Variants in BROX observed in about 807,000 individuals in gnomAD.
BROX encodes BRO1 domain-containing protein BROX.
Under a neutral mutation model 61.0 loss-of-function variants are expected in BROX, and 53 were observed. The observed-to-expected ratio is 0.87, with a 90% CI of 0.70 to 1.09. BROX has a LOEUF of 1.09. BROX is among the 50% of genes least tolerant of loss of function. BROX has a pLI of 0.00. For missense variants in BROX, 489 were observed against 472.0 expected (o/e 1.04, Z -0.33); for synonymous variants, 152 against 160.2 (o/e 0.95, Z 0.38).
chr1:222,715,205 C>T (rs1307441726), intron 1 of BROX: 2 of 152,274 alleles, frequency 1.3e-5, no homozygotes, highest in African/African-American at 4.8e-5. Flanking sequence ...GCAGCATCAG[C>T]ATCTCAGGTC....
intron 5 of BROX, among the ~76,000 whole-genome samples, chr1:222,723,222 A>G (rs74881564): frequency 0.014 from 2,074 of 152,364 alleles, 50 homozygotes; most frequent in African/African-American, 0.048. Context: ...TTTCTTAAGC[A>G]TGTATATGCA....
At chr1:222,729,843 A>G in intron 10 of BROX, 142 bp downstream of exon 10, 5 of 1,059,928 alleles carry the variant, frequency 4.7e-6, no homozygotes, top group Non-Finnish European at 6.7e-6. Flanking sequence ...AAAAGAAAAA[A>G]ATGTTTCAGA....
rs1658058998 is a variant in BROX, at chr1:222,733,063, C to CTTTTTTTTTTTCTTTTTTT, written c.*360_*361insCTTTTTTTTTTTTTTTTTT. The CTTTTTTTTTTTCTTTTTTT allele has an allele frequency of 1.2e-4, 13 of 104,876 alleles. No individual in the cohort carries two copies. The highest frequency in any genetic ancestry group is 2.2e-4 in the African/African-American group (6 of 27,234). The allele number at this position is 104,876 out of a possible 1,614,324, so 6.5% of individuals were successfully genotyped here. On this transcript the variant is annotated 3_prime_UTR_variant, in exon 13 of 13. Coordinates refer to ENST00000340934, the MANE Select transcript of BROX (RefSeq NM_144695.4). Reference sequence around the variant, plus strand: ...AGGTATGTTTTTCTTTTTTCTTTTTCTTTTTTTTTTTTCTTTTTTTTTTTT... The same window carrying CTTTTTTTTTTTCTTTTTTT: ...AGGTATGTTTTTCTTTTTTCTTTTTCTTTTTTTTTTTCTTTTTTTTTTTTTTTTTTTCTTTTTTTTTTTT...
In BROX at chr1:222,718,921, T is replaced by G. The variant is rs779544274; in HGVS notation, c.102-4T>G. 2 of 1,611,532 alleles carry G rather than the reference T, an allele frequency of 1.2e-6. No homozygotes were observed. The highest frequency in any genetic ancestry group is 1.7e-6 in the Non-Finnish European group (2 of 1,178,052). On this transcript the variant is annotated splice_polypyrimidine_tract_variant and splice_region_variant and intron_variant, in intron 2 of 12. Transcript: ENST00000340934. ...CTTTACTGTCTTTTTGTATCTCTTA[T>G]AAGTGACTTGAGGTCATCCAGGGCA...
At chr1:222,713,332 C>A in intron 1 of BROX, 3 of 985,778 alleles carry the variant, frequency 3.0e-6, no homozygotes, top group Non-Finnish European at 2.4e-6. Context: ...TCGCCGCCCG[C>A]TGCCTCGAAC....
chr1:222,723,713 C>T (rs548894959), intron 5 of BROX, among the ~76,000 whole-genome samples: 10 of 152,194 alleles, frequency 6.6e-5, no homozygotes, highest in Non-Finnish European at 1.0e-4. Context: ...GCCGCTCTGT[C>T]GCCAGGCCAG....
At chr1:222,728,183 G>A (rs1467357383) in intron 8 of BROX, among the ~76,000 whole-genome samples, 1 of 152,080 alleles carries the variant, frequency 6.6e-6, no homozygotes, top group Non-Finnish European at 1.5e-5. Flanking sequence ...AGGAGTAATA[G>A]GCTAACTTAA....
At chr1:222,726,588 A>T (rs564406905) in intron 7 of BROX, among the ~76,000 whole-genome samples, 2 of 152,232 alleles carry the variant, frequency 1.3e-5, no homozygotes, top group Non-Finnish European at 2.9e-5. Context: ...ATGGTGGCGT[A>T]TGCCTGCAAT....
intron 11 of BROX, among the ~76,000 whole-genome samples, chr1:222,730,778 T>G (rs1224811580): frequency 6.6e-6 from 1 of 152,166 alleles, no homozygotes; most frequent in Non-Finnish European, 1.5e-5. Flanking sequence ...CATTTTCTCT[T>G]AACTCTGTTT....
Position 222,715,728 on chromosome 1 carries a change from T to G in BROX, c.29T>G (p.Leu10Ter). 6.3e-7 allele frequency: 1 copy of G among 1,584,040 alleles called. No homozygotes were observed. The highest frequency in any genetic ancestry group is 1.7e-5 in the Admixed American group (1 of 57,390). Residue 10 changes from leucine to a stop codon, truncating the protein, a stop_gained, in exon 2 of 13, where the codon TTA becomes TGA. Coordinates refer to ENST00000340934, the MANE Select transcript of BROX (RefSeq NM_144695.4). LOFTEE classifies it high-confidence loss of function. MTHWFHRNP[L>*]KATAPVSFNY... is the part of the protein sequence containing the mutation. The stretch of plus-strand genomic sequence containing the variant: ...ACCCATTGGTTTCATAGGAACCCAT[T>G]AAAAGCCACAGCTCCTGTGTCTTTT...
chr1:222,717,856 A>C (rs945750883), intron 2 of BROX: 1 of 152,218 alleles, frequency 6.6e-6, no homozygotes, highest in African/African-American at 2.4e-5. Context: ...GCTTTATCCT[A>C]GGCACCTACC....
chr1:222,730,160 G>C lies in BROX; in HGVS notation c.972G>C (p.Gln324His). The change falls in exon 11 of 13, where the codon CAG becomes CAC. Residue 324 changes from glutamine to histidine, a missense_variant. Physicochemically the swap from Gln to His is conservative, Grantham distance 24. Coordinates refer to ENST00000340934, the MANE Select transcript of BROX (RefSeq NM_144695.4). ...TGAAGAACACCCTAGAAAAATGTCA[G>C]AGAGAAAATGGATTTATGTGAGTAC... ...NLVKNTLEKCQRENGFIYFQK... is the reference protein window; with the variant it reads ...NLVKNTLEKCHRENGFIYFQK... The C allele has an allele frequency of 6.2e-7, 1 of 1,607,072 alleles. No individual in the cohort carries two copies. The highest frequency in any genetic ancestry group is 1.3e-5 in the African/African-American group (1 of 74,724).
intron 5 of BROX, 104 bp from the exon 6 acceptor site, chr1:222,723,988 G>A: frequency 1.3e-6 from 1 of 772,842 alleles, no homozygotes; most frequent in East Asian, 2.8e-5. Context: ...TTAGCAGTGA[G>A]AAACATAAAT....
At chr1:222,715,943 T>C (rs1656571558) in intron 2 of BROX, 143 bp downstream of exon 2, 2 of 560,930 alleles carry the variant, frequency 3.6e-6, no homozygotes, top group Admixed American at 3.4e-5. Flanking sequence ...ATTATTTAAA[T>C]TTGGCAGTCT....
At chr1:222,725,350 A>G in intron 6 of BROX, 100 bp from the exon 7 acceptor site, 1 of 691,086 alleles carries the variant, frequency 1.4e-6, no homozygotes. Context: ...TAAGCCTCCC[A>G]GTTGAATGTC....
chr1:222,726,430 T>C (rs1229603820), intron 7 of BROX, among the ~76,000 whole-genome samples: 1 of 151,924 alleles, frequency 6.6e-6, no homozygotes, highest in Non-Finnish European at 1.5e-5. Flanking sequence ...AATTAGCCAG[T>C]TGGCTGGGTG....
intron 2 of BROX, 53 bp from the exon 3 acceptor site, chr1:222,718,872 G>A (rs143269651): frequency 7.0e-7 from 1 of 1,426,722 alleles, no homozygotes; most frequent in African/African-American, 1.4e-5. Context: ...CCACTTTTAT[G>A]TAGATTGATT....
Position 222,731,528 on chromosome 1 carries a change from T to A in BROX, c.1149+12T>A. 9.0e-7 allele frequency: 1 copy of A among 1,110,904 alleles called. No homozygotes were observed. Among genetic ancestry groups the A allele is most frequent in the Non-Finnish European group, 1.2e-6 (1 of 822,978 alleles). The allele number at this position is 1,110,904 out of a possible 1,614,324, so 68.8% of individuals were successfully genotyped here. Reference sequence around the variant, plus strand: ...CCAAGGATGACAGTGTATGAGATTGTTTTTTTTTTTCCCTCTCATTCACAA... The same window carrying A: ...CCAAGGATGACAGTGTATGAGATTGATTTTTTTTTTCCCTCTCATTCACAA... On this transcript the variant is annotated intron_variant, in intron 12 of 12. Coordinates refer to ENST00000340934, the MANE Select transcript of BROX (RefSeq NM_144695.4).
chr1:222,722,724 A>G (rs1657190207), intron 5 of BROX, among the ~76,000 whole-genome samples: 1 of 152,240 alleles, frequency 6.6e-6, no homozygotes, highest in Non-Finnish European at 1.5e-5. Flanking sequence ...GGTCTTGCTA[A>G]GTAAGACCCC....
Sources: allele counts gnomAD v4.1 joint callset (sites outside exome capture counted in the v4.1 genomes callset), GRCh38; gene constraint gnomAD v4.1.1; transcripts MANE v1.5; gene names NCBI Gene and HGNC (gene_info 2026-07-23, HGNC 2026-07-21).